The following NAALADL2 variants were observed in gnomAD, a reference collection of about 807,000 sequenced individuals.
NAALADL2 encodes the protein N-acetylated alpha-linked acidic dipeptidase like 2, also known as inactive N-acetylated-alpha-linked acidic dipeptidase-like protein 2.
NAALADL2 carries 76 observed loss-of-function variants against 87.2 expected under a neutral mutation model. The observed-to-expected ratio is 0.87, with a 90% CI of 0.72 to 1.05. NAALADL2 has a LOEUF of 1.05. Ranked by LOEUF, NAALADL2 falls within the 50% of genes least tolerant of loss-of-function variation. The pLI, the probability that NAALADL2 is intolerant of heterozygous loss-of-function variation, is 0.00. For missense variants in NAALADL2, 1,089 were observed against 945.8 expected (o/e 1.15, Z -1.99); for synonymous variants, 354 against 331.0 (o/e 1.07, Z -0.75).
intron 1 of NAALADL2, among the ~76,000 whole-genome samples, chr3:174,484,985 A>G (rs566139304): frequency 6.6e-6 from 1 of 152,176 alleles, no homozygotes; most frequent in South Asian, 2.1e-4. Flanking sequence ...GGACATTGCA[A>G]TGGAGCCGTA....
At chr3:175,601,335 T>C (rs897017876) in intron 10 of NAALADL2, among the ~76,000 whole-genome samples, 7 of 152,228 alleles carry the variant, frequency 4.6e-5, no homozygotes, top group Non-Finnish European at 1.0e-4. Context: ...ATTTCTGTAC[T>C]TGACATAGTG....
intron 11 of NAALADL2, among the ~76,000 whole-genome samples, chr3:175,696,921 C>T (rs1471710309): frequency 6.6e-6 from 1 of 152,072 alleles, no homozygotes; most frequent in Admixed American, 6.6e-5. Flanking sequence ...CAACTCCTTA[C>T]TAACCCACTT....
intron 2 of NAALADL2, among the ~76,000 whole-genome samples, chr3:174,636,372 T>C (rs970313903): frequency 3.3e-5 from 5 of 151,984 alleles, no homozygotes; most frequent in African/African-American, 4.8e-5. Context: ...TTCTGCACAG[T>C]GAAAGAAACA....
intron 9 of NAALADL2, among the ~76,000 whole-genome samples, chr3:175,546,315 C>T (rs1713310779): frequency 6.6e-6 from 1 of 152,084 alleles, no homozygotes; most frequent in Non-Finnish European, 1.5e-5. Flanking sequence ...TTGAAGACAC[C>T]ATACCAATGG....
At chr3:175,415,717 G>A (rs16825677) in intron 5 of NAALADL2, among the ~76,000 whole-genome samples, 27,545 of 151,708 alleles carry the variant, frequency 0.18, 3,624 homozygotes, top group African/African-American at 0.37. Flanking sequence ...TAAATTTTGT[G>A]TGCTAAATCA....
chr3:175,237,950 A>AGAGCC (rs1343369161), intron 3 of NAALADL2, among the ~76,000 whole-genome samples: 1 of 152,192 alleles, frequency 6.6e-6, no homozygotes, highest in Non-Finnish European at 1.5e-5. Flanking sequence ...TAAAAATGAA[A>AGAGCC]AACTTAAGAG....
chr3:174,923,131 T>C (rs1030414179), intron 1 of NAALADL2, among the ~76,000 whole-genome samples: 3 of 152,172 alleles, frequency 2.0e-5, no homozygotes, highest in Non-Finnish European at 4.4e-5. Flanking sequence ...CTGAAATGTC[T>C]TGTGGTAATA....
chr3:175,466,883 A>T, intron 7 of NAALADL2, 96 bp from the exon 8 acceptor site: 1 of 1,068,832 alleles, frequency 9.4e-7, no homozygotes. Flanking sequence ...TTGCTTAATT[A>T]TTGCTCAGTT....
intron 2 of NAALADL2, among the ~76,000 whole-genome samples, chr3:175,101,583 G>T (rs1357252399): frequency 6.6e-6 from 1 of 152,148 alleles, no homozygotes; most frequent in Non-Finnish European, 1.5e-5. Flanking sequence ...GCCATCGAAA[G>T]TAATGGCAAA....
intron 3 of NAALADL2, among the ~76,000 whole-genome samples, chr3:174,831,314 T>C (rs972423899): frequency 6.8e-6 from 1 of 147,974 alleles, no homozygotes; most frequent in African/African-American, 2.6e-5. Context: ...GTTTTTAGCA[T>C]GAAGCGTTGT....
At chr3:175,398,821 C>G (rs975053505) in intron 5 of NAALADL2, among the ~76,000 whole-genome samples, 3 of 151,888 alleles carry the variant, frequency 2.0e-5, no homozygotes, top group Non-Finnish European at 4.4e-5. Context: ...TATGAATACA[C>G]TATTTATGTT....
At chr3:175,510,420 A>T (rs181308256) in intron 9 of NAALADL2, among the ~76,000 whole-genome samples, 306 of 152,286 alleles carry the variant, frequency 2.0e-3, no homozygotes, top group Non-Finnish European at 2.0e-3. Context: ...TCCCACATGA[A>T]TGAGACATGT....
chr3:175,700,513 A>G (rs1464958450), intron 11 of NAALADL2, among the ~76,000 whole-genome samples: 3 of 152,306 alleles, frequency 2.0e-5, no homozygotes, highest in South Asian at 2.1e-4. Flanking sequence ...GATGATACGT[A>G]TTGAAGATCT....
intron 9 of NAALADL2, among the ~76,000 whole-genome samples, chr3:175,480,110 T>TTATAA (rs1413266874): frequency 6.6e-6 from 1 of 151,770 alleles, no homozygotes; most frequent in East Asian, 1.9e-4. Context: ...TGTTTAGCTT[T>TTATAA]TATAATATAT....
intron 2 of NAALADL2, among the ~76,000 whole-genome samples, chr3:175,207,273 G>T (rs1055570598): frequency 5.9e-5 from 9 of 151,928 alleles, no homozygotes; most frequent in Admixed American, 5.3e-4. Context: ...AGAAGGTTTG[G>T]AATTGAGGGG....
At chr3:174,489,961 A>G (rs1453705457) in intron 1 of NAALADL2, among the ~76,000 whole-genome samples, 2 of 152,128 alleles carry the variant, frequency 1.3e-5, no homozygotes, top group South Asian at 2.1e-4. Flanking sequence ...GGGGAATATA[A>G]ACTGGTCCAG....
intron 13 of NAALADL2, among the ~76,000 whole-genome samples, chr3:175,796,101 G>T (rs959564852): frequency 2.7e-5 from 4 of 149,082 alleles, no homozygotes; most frequent in African/African-American, 5.0e-5. Flanking sequence ...GGGGGAGAGT[G>T]GGGGAGAGGC....
intron 13 of NAALADL2, among the ~76,000 whole-genome samples, chr3:175,780,223 C>A (rs1477827631): frequency 6.6e-6 from 1 of 151,586 alleles, no homozygotes; most frequent in Non-Finnish European, 1.5e-5. Context: ...TTGCAGTGAG[C>A]CGAGATCGCG....
intron 1 of NAALADL2, among the ~76,000 whole-genome samples, chr3:174,951,482 G>T (rs1266888064): frequency 6.6e-6 from 1 of 152,070 alleles, no homozygotes; most frequent in Non-Finnish European, 1.5e-5. Context: ...GGTTATGCTT[G>T]AAAGGGTATT....
Sources: allele counts gnomAD v4.1 joint callset (sites outside exome capture counted in the v4.1 genomes callset), GRCh38; gene constraint gnomAD v4.1.1; transcripts MANE v1.5; gene names NCBI Gene and HGNC (gene_info 2026-07-23, HGNC 2026-07-21).